Variants in FBXO33 observed in about 807,000 individuals in gnomAD.
FBXO33 encodes F-box only protein 33.
In FBXO33, 22 loss-of-function variants were observed where a neutral mutation model predicts 46.3. That is an observed-to-expected ratio of 0.48 (90% CI 0.34 to 0.68). The LOEUF is 0.68. Ranked by LOEUF, FBXO33 falls within the 30% of genes least tolerant of loss-of-function variation. The probability of loss-of-function intolerance (pLI) is 0.01; values close to 1 mark genes in which losing one functional copy is unlikely to be tolerated. For missense variants in FBXO33, 692 were observed against 708.8 expected (o/e 0.98, Z 0.27); for synonymous variants, 337 against 291.3 (o/e 1.16, Z -1.60).
At chr14:39,424,329 T>C (rs2075500078) in intron 1 of FBXO33, among the ~76,000 whole-genome samples, 1 of 152,222 alleles carries the variant, frequency 6.6e-6, no homozygotes, top group Non-Finnish European at 1.5e-5. Flanking sequence ...TCGTAGCATA[T>C]ATTACCAACT....
At chr14:39,427,004 G>A (rs1005886643) in intron 1 of FBXO33, among the ~76,000 whole-genome samples, 2 of 151,986 alleles carry the variant, frequency 1.3e-5, no homozygotes, top group African/African-American at 4.8e-5. Flanking sequence ...TCAATAATTG[G>A]AGGAAAAAAC....
chr14:39,431,506 G>A, intron 1 of FBXO33, 58 bp downstream of exon 1: 1 of 1,600,164 alleles, frequency 6.2e-7, no homozygotes, highest in Non-Finnish European at 8.5e-7. Flanking sequence ...CTGTGTCGGG[G>A]TGCGGGGACG....
chr14:39,408,669 T>C (rs540258790), intron 1 of FBXO33, among the ~76,000 whole-genome samples: 68 of 116,120 alleles, frequency 5.9e-4, no homozygotes, highest in African/African-American at 1.6e-3. Context: ...TGCACCACCA[T>C]GCCTATTTTT....
At chr14:39,404,963 A>G (rs2075387107) in intron 1 of FBXO33, among the ~76,000 whole-genome samples, 1 of 151,972 alleles carries the variant, frequency 6.6e-6, no homozygotes, top group South Asian at 2.1e-4. Flanking sequence ...TCCGGCCAAC[A>G]TAGTGAAACC....
In FBXO33 at chr14:39,402,407, A is replaced by AT; in HGVS notation, c.703dup (p.Ile235AsnfsTer2). The AT allele has an allele frequency of 2.6e-6, 4 of 1,558,524 alleles. No individual in the cohort carries two copies. The highest frequency in any genetic ancestry group is 3.5e-6 in the Non-Finnish European group (4 of 1,149,664). On this transcript the variant is annotated frameshift_variant, in exon 2 of 4. Transcript: ENST00000298097. LOFTEE classifies it high-confidence loss of function. ...CATTAACCATATAACTTACTGTTTAATTTTTTTGCCATCAGGGTCCACCTT... is the reference window on the plus strand; with the variant it reads ...CATTAACCATATAACTTACTGTTTAATTTTTTTTGCCATCAGGGTCCACCTT...
chr14:39,409,715 T>A (rs777049218), intron 1 of FBXO33, among the ~76,000 whole-genome samples: 113 of 152,366 alleles, frequency 7.4e-4, no homozygotes, highest in Non-Finnish European at 1.2e-3. Context: ...GAACATGAGA[T>A]GTTTTTCCAT....
chr14:39,409,249 G>A (rs1227086061), intron 1 of FBXO33, among the ~76,000 whole-genome samples: 2 of 151,988 alleles, frequency 1.3e-5, no homozygotes, highest in Non-Finnish European at 2.9e-5. Flanking sequence ...AATCTATTTT[G>A]CTTTGATTTC....
Position 39,432,394 on chromosome 14 carries a change from C to T in FBXO33, c.-232G>A, listed in dbSNP as rs922640810. On this transcript the variant is annotated 5_prime_UTR_variant, in exon 1 of 4. Coordinates refer to ENST00000298097, the MANE Select transcript of FBXO33 (RefSeq NM_203301.4). ...CTCAAGGCGTACTGTAAGGAAAAGG[C>T]AGCCCTCCCTGCGCCGGTCGGCAGA... 2.2e-5 allele frequency: 6 copies of T among 270,336 alleles called. No individual in the cohort carries two copies. The highest frequency in any genetic ancestry group is 1.1e-4 in the African/African-American group (5 of 44,652). The allele number at this position is 270,336 out of a possible 1,614,324, so 16.7% of individuals were successfully genotyped here. A position where few individuals can be genotyped will look rare whatever the true frequency, so the allele number is the denominator to read the frequency against.
intron 1 of FBXO33, among the ~76,000 whole-genome samples, chr14:39,427,514 A>G (rs1161322004): frequency 5.9e-5 from 9 of 152,238 alleles, no homozygotes; most frequent in Non-Finnish European, 1.2e-4. Flanking sequence ...AGACATATTT[A>G]TTATACTACC....
chr14:39,414,370 C>T (rs908232968), intron 1 of FBXO33, among the ~76,000 whole-genome samples: 5 of 152,230 alleles, frequency 3.3e-5, no homozygotes, highest in African/African-American at 1.2e-4. Flanking sequence ...TGGCTAGTTT[C>T]ATCTTCTATC....
intron 1 of FBXO33, among the ~76,000 whole-genome samples, chr14:39,423,756 T>A (rs527912013): frequency 6.6e-6 from 1 of 152,306 alleles, no homozygotes; most frequent in Admixed American, 6.5e-5. Flanking sequence ...GAGTGGTAAC[T>A]GGTAGGGGTC....
chr14:39,405,065 G>A (rs1427241178), intron 1 of FBXO33, among the ~76,000 whole-genome samples: 3 of 150,924 alleles, frequency 2.0e-5, no homozygotes, highest in African/African-American at 4.9e-5. Context: ...GGAGAATCGC[G>A]TGAACCTGGG....
At chr14:39,407,070 T>A (rs2075402080) in intron 1 of FBXO33, among the ~76,000 whole-genome samples, 1 of 152,170 alleles carries the variant, frequency 6.6e-6, no homozygotes, top group Non-Finnish European at 1.5e-5. Flanking sequence ...GCAAGTTTAG[T>A]AAGGTCACAG....
At chr14:39,403,527 TGCACTCCAGCCTG>T (rs2075378494) in intron 1 of FBXO33, among the ~76,000 whole-genome samples, 1 of 152,202 alleles carries the variant, frequency 6.6e-6, no homozygotes, top group African/African-American at 2.4e-5. Context: ...ATCATGCCAC[TGCACTCCAGCCTG>T]GGAGACAGAC....
chr14:39,430,601 AG>A (rs1267499632), intron 1 of FBXO33, among the ~76,000 whole-genome samples: 1 of 152,156 alleles, frequency 6.6e-6, no homozygotes, highest in Non-Finnish European at 1.5e-5. Context: ...TGCCACTGAG[AG>A]GCTCAAACAA....
intron 1 of FBXO33, among the ~76,000 whole-genome samples, chr14:39,418,165 G>A (rs748440880): frequency 1.3e-4 from 20 of 151,850 alleles, no homozygotes; most frequent in Admixed American, 3.3e-4. Context: ...CCGGGTTCAC[G>A]TCATTCTCCT....
At chr14:39,405,919 CAT>C (rs777917221) in intron 1 of FBXO33, among the ~76,000 whole-genome samples, 6 of 95,980 alleles carry the variant, frequency 6.3e-5, no homozygotes, top group Non-Finnish European at 1.5e-4. Context: ...ATCAACTTGA[CAT>C]GTGATTCTAA....
chr14:39,426,784 T>C (rs1471833549), intron 1 of FBXO33, among the ~76,000 whole-genome samples: 1 of 152,212 alleles, frequency 6.6e-6, no homozygotes, highest in African/African-American at 2.4e-5. Flanking sequence ...GCAGCTCAAA[T>C]ATCCTTCTCA....
intron 1 of FBXO33, among the ~76,000 whole-genome samples, chr14:39,415,049 A>G (rs1226562642): frequency 6.6e-6 from 1 of 152,196 alleles, no homozygotes; most frequent in African/African-American, 2.4e-5. Flanking sequence ...ATTTATAATT[A>G]AATTAGCTAT....
Sources: allele counts gnomAD v4.1 joint callset (sites outside exome capture counted in the v4.1 genomes callset), GRCh38; gene constraint gnomAD v4.1.1; transcripts MANE v1.5; gene names NCBI Gene and HGNC (gene_info 2026-07-23, HGNC 2026-07-21).